ESCO2: variants seen among roughly 807,000 people sequenced by gnomAD.
The protein encoded by ESCO2 is establishment of sister chromatid cohesion N-acetyltransferase 2.
ESCO2 carries 51 observed loss-of-function variants against 61.7 expected under a neutral mutation model. That is an observed-to-expected ratio of 0.83 (90% CI 0.66 to 1.04). The LOEUF is 1.04. Ranked by LOEUF, ESCO2 falls within the 50% of genes least tolerant of loss-of-function variation. The pLI, the probability that ESCO2 is intolerant of heterozygous loss-of-function variation, is 0.00. For synonymous variants in ESCO2, 230 were observed against 238.2 expected (o/e 0.97, Z 0.32); for missense variants, 692 against 686.2 (o/e 1.01, Z -0.09).
chr8:27,813,941 TAGC>T (rs1285229327), downstream of ESCO2, among the ~76,000 whole-genome samples: 2 of 151,806 alleles, frequency 1.3e-5, no homozygotes, highest in African/African-American at 4.9e-5. Flanking sequence ...TCTGTGTACA[TAGC>T]AGGTGTACAT....
chr8:27,785,931 G>A (rs576014643), intron 5 of ESCO2, among the ~76,000 whole-genome samples: 5 of 152,292 alleles, frequency 3.3e-5, no homozygotes, highest in South Asian at 2.1e-4. Flanking sequence ...GAGATGTGAA[G>A]ATAATTAATG....
chr8:27,780,085 T>G (rs1804889796), intron 3 of ESCO2, 89 bp from the exon 4 acceptor site: 4 of 789,798 alleles, frequency 5.1e-6, no homozygotes, highest in Non-Finnish European at 6.5e-6. Flanking sequence ...CCAAATCTTT[T>G]GTTTTAGAAA....
chr8:27,789,050 C>T, intron 7 of ESCO2, 72 bp downstream of exon 7: 1 of 1,585,854 alleles, frequency 6.3e-7, no homozygotes, highest in Non-Finnish European at 8.6e-7. Context: ...TCCACCACCT[C>T]TACCACCCAG....
chr8:27,785,024 C>G (rs1805006573), intron 5 of ESCO2, among the ~76,000 whole-genome samples: 1 of 152,132 alleles, frequency 6.6e-6, no homozygotes, highest in Non-Finnish European at 1.5e-5. Context: ...GTGTTGCTAT[C>G]ACAAAATACC....
downstream of ESCO2, among the ~76,000 whole-genome samples, chr8:27,808,739 T>C (rs1223922220): frequency 6.8e-6 from 1 of 147,910 alleles, no homozygotes; most frequent in African/African-American, 2.5e-5. Flanking sequence ...CTTTTGAGAA[T>C]GAGGCAAATG....
Position 27,791,874 on chromosome 8 carries a change from C to A in ESCO2, c.1264-89C>A, listed in dbSNP as rs886508726. 3.7e-6 allele frequency: 4 copies of A among 1,094,800 alleles called. No homozygotes were observed. The South Asian group carries it at 3.8e-5, about 10-fold the overall frequency. The allele number at this position is 1,094,800 out of a possible 1,614,324, so 67.8% of individuals were successfully genotyped here. Reference sequence around the variant, plus strand: ...CTTTTTATATCTATTATTGTTTAGCCTTTTGTCTTCTCCACATCAAATTAT... The same window carrying A: ...CTTTTTATATCTATTATTGTTTAGCATTTTGTCTTCTCCACATCAAATTAT... On this transcript the variant is annotated intron_variant, in intron 7 of 10. Transcript: ENST00000305188.
Position 27,803,549 on chromosome 8 carries a change from T to TACATAC in ESCO2, c.*114_*115insTACACA. The TACATAC allele has an allele frequency of 7.6e-7, 1 of 1,323,224 alleles. No individual in the cohort carries two copies. The highest frequency in any genetic ancestry group is 9.9e-7 in the Non-Finnish European group (1 of 1,005,832). 82.0% of individuals were successfully genotyped at this position (1,323,224 alleles called of 1,614,324 possible). A position where few individuals can be genotyped will look rare whatever the true frequency, so the allele number is the denominator to read the frequency against. ...TAAAAAATACCGAGACTCACACTCA[T>TACATAC]ACACACACACACACACACGCACACA... On this transcript the variant is annotated 3_prime_UTR_variant, in exon 11 of 11. Transcript: ENST00000305188.
chr8:27,780,182 A>G lies in ESCO2; in HGVS notation c.870A>G (p.Ser290=). 1 of 1,603,236 alleles carries G rather than the reference A, an allele frequency of 6.2e-7. No individual in the cohort carries two copies. Among genetic ancestry groups the G allele is most frequent in the South Asian group, 1.1e-5 (1 of 89,998 alleles). The change falls in exon 4 of 11, where the codon TCA becomes TCG. Residue 290 remains serine, a synonymous_variant. Coordinates refer to ENST00000305188, the MANE Select transcript of ESCO2 (RefSeq NM_001017420.3). ...TTTAAACCTATTTTCAGGATTCATC[A>G]GATGACAGAGTTTCTTCAAAGGAAC... is the stretch of plus-strand genomic sequence containing the variant. The part of the protein sequence containing the change: ...KNKEKLIKDS[S]DDRVSSKEHK...
At chr8:27,788,729 C>T (rs768707612) in intron 6 of ESCO2, 118 bp from the exon 7 acceptor site, 5 of 1,241,366 alleles carry the variant, frequency 4.0e-6, no homozygotes, top group Non-Finnish European at 5.8e-6. Flanking sequence ...TAGTTTTTCA[C>T]TTGTGTCAGC....
chr8:27,793,776 C>T (rs957612690), intron 9 of ESCO2, among the ~76,000 whole-genome samples: 2 of 152,166 alleles, frequency 1.3e-5, no homozygotes, highest in Admixed American at 1.3e-4. Flanking sequence ...TGAGCCACCG[C>T]ACCCGGCCTT....
downstream of ESCO2, among the ~76,000 whole-genome samples, chr8:27,806,620 CTTTT>C (rs398067714): frequency 1.5e-5 from 2 of 136,102 alleles, no homozygotes; most frequent in Admixed American, 7.4e-5. Context: ...TGGATACTTT[CTTTT>C]TTTTTTTTTT....
Position 27,799,598 on chromosome 8 carries a change from C to T in ESCO2, c.1555C>T (p.Pro519Ser). Residue 519 changes from proline (P) to serine (S), a missense_variant, in exon 10 of 11, where the codon CCT becomes TCT. Physicochemically the swap from Pro to Ser is moderately conservative, Grantham distance 74. Coordinates refer to ENST00000305188, the MANE Select transcript of ESCO2 (RefSeq NM_001017420.3). ...GPESPSSTEC[P>S]RAWQCSDVPE... ...AGAATCCCCAAGCTCTACGGAATGT[C>T]CTAGGGCTTGGCAATGTTCAGATGT... 2 of 1,613,812 alleles carry T rather than the reference C, an allele frequency of 1.2e-6. No homozygotes were observed. Among genetic ancestry groups the T allele is most frequent in the South Asian group, 2.2e-5 (2 of 91,060 alleles).
At chr8:27,799,038 C>CA (rs1402386810) in intron 9 of ESCO2, among the ~76,000 whole-genome samples, 8 of 152,034 alleles carry the variant, frequency 5.3e-5, no homozygotes, top group Admixed American at 3.9e-4. Context: ...GGTATTATAC[C>CA]AGTTATGGAA....
intron 7 of ESCO2, among the ~76,000 whole-genome samples, chr8:27,790,680 A>G (rs1322742156): frequency 1.3e-5 from 2 of 152,202 alleles, no homozygotes; most frequent in East Asian, 3.9e-4. Flanking sequence ...TAAATTTTAT[A>G]TTTAGACATT....
intron 4 of ESCO2, among the ~76,000 whole-genome samples, chr8:27,783,041 G>A (rs995869713): frequency 1.3e-5 from 2 of 151,864 alleles, no homozygotes; most frequent in Non-Finnish European, 2.9e-5. Context: ...TTACAGTTCT[G>A]TGGGTTTTAT....
intron 10 of ESCO2, among the ~76,000 whole-genome samples, chr8:27,802,692 A>AT (rs74962285): frequency 0.17 from 20,041 of 119,468 alleles, 2,235 homozygotes; most frequent in East Asian, 0.42. Context: ...CTTAAGATTG[A>AT]TTTTTTTTGG....
chr8:27,808,794 G>T (rs1007934446), downstream of ESCO2, among the ~76,000 whole-genome samples: 2 of 151,322 alleles, frequency 1.3e-5, no homozygotes, highest in African/African-American at 4.9e-5. Context: ...TCTAGAACAA[G>T]AATAAAAAAA....
Position 27,775,542 on chromosome 8 carries a change from A to G in ESCO2, c.28A>G (p.Lys10Glu). The G allele has an allele frequency of 6.2e-7, 1 of 1,614,154 alleles. No homozygotes were observed. The highest frequency in any genetic ancestry group is 8.5e-7 in the Non-Finnish European group (1 of 1,180,004). The change falls in exon 2 of 11, where the codon AAG (lysine) becomes GAG (glutamate). Residue 10 changes from lysine (K) to glutamate (E), a missense_variant. Coordinates refer to ENST00000305188, the MANE Select transcript of ESCO2 (RefSeq NM_001017420.3). ...GGCAGCTCTTACTCCAAGGAAGAGG[A>G]AGCAGGATTCTTTGAAGTGTGACAG... MAALTPRKR[K>E]QDSLKCDSLL...
intron 5 of ESCO2, among the ~76,000 whole-genome samples, chr8:27,787,335 T>C (rs1253049479): frequency 6.6e-6 from 1 of 152,044 alleles, no homozygotes; most frequent in African/African-American, 2.4e-5. Context: ...TTTGTTTTTT[T>C]TTTTTCCTTA....
Sources: gnomAD v4.1 joint callset for allele counts (sites outside exome capture counted in the v4.1 genomes callset) on GRCh38, gnomAD v4.1.1 for gene constraint, MANE v1.5 for transcripts, NCBI Gene and HGNC (gene_info 2026-07-23, HGNC 2026-07-21) for gene names.